Variants in PDGFC observed in about 807,000 individuals in gnomAD.
The protein encoded by PDGFC is platelet-derived growth factor C.
Under a neutral mutation model 35.5 loss-of-function variants are expected in PDGFC, and 12 were observed. The ratio of observed to expected loss-of-function variants is 0.34; its 90% CI spans 0.22 to 0.55. The LOEUF (loss-of-function observed/expected upper bound fraction) is 0.55. PDGFC is among the 20% of genes least tolerant of loss of function. PDGFC has a pLI of 0.91. For synonymous variants in PDGFC, 159 were observed against 148.8 expected, an observed-to-expected ratio of 1.07 and a Z score of -0.50; for missense variants, 322 against 412.4, an observed-to-expected ratio of 0.78 and a Z score of 1.90.
intron 1 of PDGFC, chr4:156,861,593 T>C (rs1392455096): frequency 7.7e-6 from 3 of 387,602 alleles, no homozygotes; most frequent in South Asian, 2.0e-5. Context: ...TTAAAAAAAT[T>C]TGAAGGATTG....
chr4:156,825,396 A>T (rs1186601714), intron 2 of PDGFC, among the ~76,000 whole-genome samples: 1 of 151,222 alleles, frequency 6.6e-6, no homozygotes, highest in East Asian at 1.9e-4. Flanking sequence ...CAAAAAAAAA[A>T]AAAAAATTCC....
At chr4:156,848,887 A>G (rs1477534971) in intron 2 of PDGFC, among the ~76,000 whole-genome samples, 2 of 151,968 alleles carry the variant, frequency 1.3e-5, no homozygotes, top group African/African-American at 4.8e-5. Context: ...AGGAGAAAGC[A>G]CAAGAAAGTG....
intron 1 of PDGFC, among the ~76,000 whole-genome samples, chr4:156,865,919 A>G (rs529626091): frequency 6.6e-6 from 1 of 152,302 alleles, no homozygotes; most frequent in African/African-American, 2.4e-5. Flanking sequence ...GCTTCGTTTA[A>G]CAAAACACCA....
intron 1 of PDGFC, among the ~76,000 whole-genome samples, chr4:156,920,256 C>T (rs1731242095): frequency 6.6e-6 from 1 of 152,216 alleles, no homozygotes; most frequent in African/African-American, 2.4e-5. Flanking sequence ...CAAAGCCTAA[C>T]ATCAACCGGT....
intron 2 of PDGFC, among the ~76,000 whole-genome samples, chr4:156,846,864 T>C (rs1729338514): frequency 6.6e-6 from 1 of 151,634 alleles, no homozygotes; most frequent in Non-Finnish European, 1.5e-5. Context: ...AAAAAGTAAA[T>C]TGAAGGAAAA....
At chr4:156,843,647 G>C (rs1174921266) in intron 2 of PDGFC, among the ~76,000 whole-genome samples, 1 of 152,036 alleles carries the variant, frequency 6.6e-6, no homozygotes, top group African/African-American at 2.4e-5. Flanking sequence ...TGTTTATCCT[G>C]TCTTTTTCCT....
At chr4:156,782,743 T>C (rs1000788864) in intron 3 of PDGFC, among the ~76,000 whole-genome samples, 1 of 152,212 alleles carries the variant, frequency 6.6e-6, no homozygotes, top group African/African-American at 2.4e-5. Context: ...AGAATATTTT[T>C]GTGAAAAGTT....
intron 3 of PDGFC, among the ~76,000 whole-genome samples, chr4:156,779,685 A>G (rs920322081): frequency 1.8e-4 from 27 of 152,172 alleles, no homozygotes; most frequent in African/African-American, 6.5e-4. Context: ...AATAAAAGTA[A>G]TGTTTATTTA....
chr4:156,821,813 T>A (rs1732269847), intron 2 of PDGFC, among the ~76,000 whole-genome samples: 1 of 152,088 alleles, frequency 6.6e-6, no homozygotes, highest in Non-Finnish European at 1.5e-5. Flanking sequence ...GCTCCCAAAG[T>A]GCTGGGATTA....
chr4:156,815,580 T>C (rs1005206089), intron 2 of PDGFC, among the ~76,000 whole-genome samples: 3 of 151,952 alleles, frequency 2.0e-5, no homozygotes, highest in Admixed American at 1.3e-4. Context: ...AAGAAGAGAA[T>C]GAAGAGAGAA....
chr4:156,781,326 C>A (rs1199525660), intron 3 of PDGFC, among the ~76,000 whole-genome samples: 1 of 152,116 alleles, frequency 6.6e-6, no homozygotes, highest in African/African-American at 2.4e-5. Context: ...TCTAACTGGT[C>A]TCCCTGTTAA....
chr4:156,774,344 C>T (rs1464092562), intron 3 of PDGFC: 1 of 152,266 alleles, frequency 6.6e-6, no homozygotes, highest in East Asian at 1.9e-4. Flanking sequence ...AAACTCTCCC[C>T]CCGTTGATCC....
chr4:156,871,480 G>T (rs17035384), intron 1 of PDGFC, among the ~76,000 whole-genome samples: 1 of 151,922 alleles, frequency 6.6e-6, no homozygotes, highest in Non-Finnish European at 1.5e-5. Flanking sequence ...GAAGAAATAC[G>T]CCAGGCATAA....
intron 2 of PDGFC, among the ~76,000 whole-genome samples, chr4:156,814,023 A>T (rs989301265): frequency 6.6e-6 from 1 of 152,114 alleles, no homozygotes; most frequent in African/African-American, 2.4e-5. Context: ...GAAGGAATGA[A>T]TACTTGGCCT....
intron 1 of PDGFC, among the ~76,000 whole-genome samples, chr4:156,889,749 T>A (rs1162300508): frequency 6.6e-6 from 1 of 152,204 alleles, no homozygotes; most frequent in Non-Finnish European, 1.5e-5. Flanking sequence ...GTTTTGGTTT[T>A]TTTTCTAATC....
chr4:156,907,348 A>G (rs1424896800), intron 1 of PDGFC, among the ~76,000 whole-genome samples: 1 of 152,222 alleles, frequency 6.6e-6, no homozygotes, highest in Non-Finnish European at 1.5e-5. Context: ...GAGTGAGATT[A>G]CATAATATAA....
At chr4:156,874,382 T>C (rs949428538) in intron 1 of PDGFC, among the ~76,000 whole-genome samples, 6 of 152,188 alleles carry the variant, frequency 3.9e-5, no homozygotes, top group Non-Finnish European at 8.8e-5. Context: ...ATTAAATAGC[T>C]AGTTTTGAGC....
At chr4:156,899,563 C>T (rs996849886) in intron 1 of PDGFC, among the ~76,000 whole-genome samples, 1 of 152,112 alleles carries the variant, frequency 6.6e-6, no homozygotes, top group Middle Eastern at 3.2e-3. Context: ...ACCTGTAATC[C>T]CAGCACTTTG....
In PDGFC at chr4:156,859,405, T is replaced by G. The variant is rs1055596082; in HGVS notation, c.119-8989A>C. Among the ~76,000 whole-genome samples the G allele has an allele frequency of 3.9e-5, 6 of 152,122 alleles. No homozygotes were observed. In the South Asian group the frequency reaches 1.2e-3, roughly 31 times the overall value. Reference sequence around the variant, plus strand: ...ACAAATCATGTCCTTCTATCTTATGTGATTAAATAATGTCAATAAGTGCTA... The same window carrying G: ...ACAAATCATGTCCTTCTATCTTATGGGATTAAATAATGTCAATAAGTGCTA... On this transcript the variant is annotated intron_variant, in intron 1 of 5. Coordinates refer to ENST00000502773, the MANE Select transcript of PDGFC (RefSeq NM_016205.3).
Sources: gnomAD v4.1 joint callset for allele counts (sites outside exome capture counted in the v4.1 genomes callset) on GRCh38, gnomAD v4.1.1 for gene constraint, MANE v1.5 for transcripts, NCBI Gene and HGNC (gene_info 2026-07-23, HGNC 2026-07-21) for gene names.